The following DOCK3 variants were observed in gnomAD, a reference collection of about 807,000 sequenced individuals.
DOCK3 encodes dedicator of cytokinesis protein 3.
Under a neutral mutation model 265.6 loss-of-function variants are expected in DOCK3, and 60 were observed. The ratio of observed to expected loss-of-function variants is 0.23; its 90% CI spans 0.18 to 0.28. DOCK3 has a LOEUF of 0.28. Among genes scored for constraint, DOCK3 ranks in the 10% least tolerant of loss-of-function variants. The pLI is 1.00. For missense variants in DOCK3, 1,981 were observed against 2,594.3 expected (o/e 0.76, Z 5.14); for synonymous variants, 881 against 938.0 (o/e 0.94, Z 1.11).
intron 32 of DOCK3, among the ~76,000 whole-genome samples, chr3:51,329,345 T>C (rs1156324772): frequency 6.6e-6 from 1 of 152,074 alleles, no homozygotes; most frequent in Non-Finnish European, 1.5e-5. Context: ...TGGCACATGC[T>C]TACCCACGTA....
intron 9 of DOCK3, among the ~76,000 whole-genome samples, chr3:51,138,093 A>T (rs1001656958): frequency 3.3e-5 from 5 of 152,198 alleles, no homozygotes; most frequent in African/African-American, 1.2e-4. Context: ...CTGTCCCCTT[A>T]ATTCTTAAAA....
At chr3:50,936,660 C>T (rs2051378550) in intron 5 of DOCK3, among the ~76,000 whole-genome samples, 2 of 151,918 alleles carry the variant, frequency 1.3e-5, no homozygotes, top group South Asian at 2.1e-4. Context: ...TTTTCAACTG[C>T]TTAAAGAAAA....
chr3:51,355,661 T>G (rs1360115021), intron 41 of DOCK3, among the ~76,000 whole-genome samples: 1 of 152,180 alleles, frequency 6.6e-6, no homozygotes, highest in African/African-American at 2.4e-5. Flanking sequence ...CTTATCTGCT[T>G]TTTTTCCACA....
At chr3:50,958,563 A>T (rs542162663) in intron 5 of DOCK3, among the ~76,000 whole-genome samples, 162 of 152,292 alleles carry the variant, frequency 1.1e-3, no homozygotes, top group Admixed American at 3.5e-3. Flanking sequence ...CACTTCTAAA[A>T]GGGTATGCAG....
At chr3:51,305,678 T>C (rs1056212162) in intron 27 of DOCK3, among the ~76,000 whole-genome samples, 16 of 151,150 alleles carry the variant, frequency 1.1e-4, no homozygotes, top group African/African-American at 3.7e-4. Context: ...GTTAAATGTA[T>C]TTAGTATGCC....
chr3:50,778,538 G>A (rs2041736982), intron 1 of DOCK3, 137 bp from the exon 2 acceptor site: 2 of 585,440 alleles, frequency 3.4e-6, no homozygotes, highest in Non-Finnish European at 3.1e-6. Context: ...AATGGAAAGG[G>A]GCTTACACTT....
At chr3:50,935,943 A>C (rs1340280932) in intron 5 of DOCK3, among the ~76,000 whole-genome samples, 1 of 152,238 alleles carries the variant, frequency 6.6e-6, no homozygotes, top group African/African-American at 2.4e-5. Context: ...TCATATGAAA[A>C]ATCAGGAAAA....
chr3:51,335,099 A>G (rs1369103334), intron 35 of DOCK3, among the ~76,000 whole-genome samples: 2 of 152,180 alleles, frequency 1.3e-5, no homozygotes, highest in Non-Finnish European at 2.9e-5. Flanking sequence ...TTGAAAATCT[A>G]CCACGAGTGC....
At chr3:51,376,299 G>T (rs2088122857) in intron 51 of DOCK3, among the ~76,000 whole-genome samples, 1 of 152,150 alleles carries the variant, frequency 6.6e-6, no homozygotes, top group Admixed American at 6.5e-5. Context: ...CCAAAGACAG[G>T]CTTCTCCAAG....
chr3:51,279,667 G>T (rs2081008124), intron 26 of DOCK3, among the ~76,000 whole-genome samples: 1 of 152,158 alleles, frequency 6.6e-6, no homozygotes, highest in Non-Finnish European at 1.5e-5. Flanking sequence ...ATTCTAGGAG[G>T]TTCCAAAGAA....
chr3:51,290,107 C>T (rs1389327851), intron 27 of DOCK3, among the ~76,000 whole-genome samples: 1 of 152,166 alleles, frequency 6.6e-6, no homozygotes, highest in Non-Finnish European at 1.5e-5. Context: ...CTGGTTCAAC[C>T]ATTGTGGAAG....
At chr3:50,979,160 T>G (rs1575666910) in intron 5 of DOCK3, among the ~76,000 whole-genome samples, 2 of 152,106 alleles carry the variant, frequency 1.3e-5, no homozygotes, top group East Asian at 1.9e-4. Flanking sequence ...TCGGCCATCT[T>G]GGCTCCTCCC....
chr3:50,987,533 A>C (rs1475126841), intron 5 of DOCK3, among the ~76,000 whole-genome samples: 1 of 152,208 alleles, frequency 6.6e-6, no homozygotes, highest in East Asian at 1.9e-4. Context: ...GCAACTTAAA[A>C]AATTTGGTGG....
chr3:51,353,597 G>A (rs1347143684), intron 40 of DOCK3, among the ~76,000 whole-genome samples: 2 of 152,090 alleles, frequency 1.3e-5, no homozygotes, highest in African/African-American at 2.4e-5. Flanking sequence ...GGGCAAGAGA[G>A]TGAGACTCTT....
chr3:51,209,313 G>A (rs1454405635), intron 13 of DOCK3, among the ~76,000 whole-genome samples: 4 of 152,042 alleles, frequency 2.6e-5, no homozygotes, highest in South Asian at 2.1e-4. Context: ...TGCCAGTATC[G>A]GTCATTCTGA....
At chr3:51,091,417 C>A (rs2082630445) in intron 9 of DOCK3, among the ~76,000 whole-genome samples, 1 of 152,130 alleles carries the variant, frequency 6.6e-6, no homozygotes, top group Admixed American at 6.5e-5. Context: ...GGAGCAATGG[C>A]TCACGACTGT....
chr3:50,978,831 G>A (rs985586505), intron 5 of DOCK3, among the ~76,000 whole-genome samples: 22 of 152,188 alleles, frequency 1.4e-4, no homozygotes, highest in African/African-American at 3.6e-4. Flanking sequence ...AGCCACGTGC[G>A]GGATATAATC....
At chr3:51,237,176 T>C (rs2078383302) in intron 20 of DOCK3, among the ~76,000 whole-genome samples, 1 of 152,190 alleles carries the variant, frequency 6.6e-6, no homozygotes, top group Non-Finnish European at 1.5e-5. Context: ...GTTTATGCCA[T>C]CTACACGCAT....
chr3:51,341,138 G>A, intron 37 of DOCK3, 99 bp from the exon 38 acceptor site: 1 of 1,400,522 alleles, frequency 7.1e-7, no homozygotes, highest in Admixed American at 2.9e-5. Context: ...CACATGACTT[G>A]CGCTGGCATT....
Sources: allele counts gnomAD v4.1 joint callset (sites outside exome capture counted in the v4.1 genomes callset), GRCh38; gene constraint gnomAD v4.1.1; transcripts MANE v1.5; gene names NCBI Gene and HGNC (gene_info 2026-07-23, HGNC 2026-07-21).